The following TENM2 variants were observed in gnomAD, a reference collection of about 807,000 sequenced individuals.
The protein encoded by TENM2 is teneurin-2.
A neutral mutation model predicts 245.2 loss-of-function variants in TENM2; 52 were observed. The ratio of observed to expected loss-of-function variants is 0.21; its 90% CI spans 0.17 to 0.27. The LOEUF (loss-of-function observed/expected upper bound fraction) is 0.27, where lower values mean the gene tolerates loss of function less well. Among genes scored for constraint, TENM2 ranks in the 10% least tolerant of loss-of-function variants. The pLI is 1.00. For missense variants in TENM2, 3,046 were observed against 3,666.8 expected (o/e 0.83, Z 4.37); for synonymous variants, 1,363 against 1,438.9 (o/e 0.95, Z 1.19).
intron 1 of TENM2, among the ~76,000 whole-genome samples, chr5:167,326,702 A>AATATATATAT (rs70976411): frequency 2.4e-4 from 35 of 143,212 alleles, no homozygotes; most frequent in African/African-American, 8.4e-4. Context: ...ATAATAAATA[A>AATATATATAT]ATATATATAT....
chr5:168,184,878 G>A (rs373158481), intron 13 of TENM2, among the ~76,000 whole-genome samples: 330 of 152,252 alleles, frequency 2.2e-3, no homozygotes, highest in African/African-American at 4.9e-3. Context: ...GGATTGAAAC[G>A]GCTGACAAAA....
At chr5:168,234,694 AC>A (rs1765259693) in intron 25 of TENM2, among the ~76,000 whole-genome samples, 1 of 152,112 alleles carries the variant, frequency 6.6e-6, no homozygotes, top group Non-Finnish European at 1.5e-5. Flanking sequence ...TAAAACTTCT[AC>A]CCTTTCCTAA....
intron 2 of TENM2, among the ~76,000 whole-genome samples, chr5:167,395,474 A>C (rs1032931039): frequency 2.6e-5 from 4 of 151,984 alleles, no homozygotes; most frequent in Admixed American, 1.3e-4. Flanking sequence ...TTCCTTTCTA[A>C]CTTGGATGCC....
chr5:167,292,209 C>G (rs1374981283), intron 1 of TENM2, among the ~76,000 whole-genome samples: 2 of 152,170 alleles, frequency 1.3e-5, no homozygotes, highest in Non-Finnish European at 2.9e-5. Context: ...GGGGACACAG[C>G]CAAACCATAT....
intron 2 of TENM2, among the ~76,000 whole-genome samples, chr5:167,869,503 C>T (rs1772626671): frequency 6.6e-6 from 1 of 152,184 alleles, no homozygotes; most frequent in South Asian, 2.1e-4. Flanking sequence ...GGGGTATAAG[C>T]AAAATCACTG....
chr5:167,319,343 T>A (rs1756578598), intron 1 of TENM2, among the ~76,000 whole-genome samples: 1 of 152,308 alleles, frequency 6.6e-6, no homozygotes, highest in African/African-American at 2.4e-5. Context: ...GTAATACTAC[T>A]TTCTTTTGGT....
At chr5:167,172,657 C>T in the TENM2 span, among the ~76,000 whole-genome samples, 1 of 147,966 alleles carries the variant, frequency 6.8e-6, no homozygotes, top group Non-Finnish European at 1.5e-5. Context: ...CAGGGTCTCA[C>T]TCTGTTGCCT....
chr5:167,300,779 A>G (rs1301987769), intron 1 of TENM2, among the ~76,000 whole-genome samples: 1 of 152,024 alleles, frequency 6.6e-6, no homozygotes, highest in African/African-American at 2.4e-5. Context: ...GGAGGCTTTG[A>G]ACTGAGGGAA....
chr5:167,832,735 AAT>A (rs1583133228), intron 2 of TENM2, among the ~76,000 whole-genome samples: 1 of 152,066 alleles, frequency 6.6e-6, no homozygotes, highest in African/African-American at 2.4e-5. Flanking sequence ...AGAAGAAAGA[AAT>A]ATATGTAGAG....
At chr5:167,612,728 G>A (rs1172782057) in intron 2 of TENM2, among the ~76,000 whole-genome samples, 3 of 152,008 alleles carry the variant, frequency 2.0e-5, no homozygotes, top group Non-Finnish European at 2.9e-5. Flanking sequence ...AGGACCTGAC[G>A]TACGGGATGT....
chr5:167,810,381 C>T (rs1230229201), intron 2 of TENM2, among the ~76,000 whole-genome samples: 2 of 152,110 alleles, frequency 1.3e-5, no homozygotes, highest in African/African-American at 4.8e-5. Context: ...CCAATTGTCA[C>T]TGTTTGGGTC....
At chr5:167,694,471 G>A (rs1040629529) in intron 2 of TENM2, among the ~76,000 whole-genome samples, 1 of 152,168 alleles carries the variant, frequency 6.6e-6, no homozygotes, top group Admixed American at 6.5e-5. Flanking sequence ...TGTATTTTCT[G>A]TGCCTGTGTT....
Position 167,335,345 on chromosome 5 carries a change from GATTT to G in TENM2, c.227-39847_227-39844del, listed in dbSNP as rs1231592195. Among the ~76,000 whole-genome samples the G allele has an allele frequency of 1.1e-4, 17 of 152,262 alleles. No homozygotes were observed. The East Asian group carries it at 3.3e-3, about 29-fold the overall frequency. Reference sequence around the variant, plus strand: ...CCATTCATGAGAACTCCGCCCCCATGATTTATTTAATCACCTCCCACCAGGCCTG... The same window carrying G: ...CCATTCATGAGAACTCCGCCCCCATGATTTAATCACCTCCCACCAGGCCTG... On this transcript the variant is annotated intron_variant, in intron 1 of 28. Transcript: ENST00000518659.
At chr5:167,476,253 T>G (rs1767365758) in intron 2 of TENM2, among the ~76,000 whole-genome samples, 1 of 152,160 alleles carries the variant, frequency 6.6e-6, no homozygotes, top group African/African-American at 2.4e-5. Flanking sequence ...GTAGAATCTT[T>G]TTGAAATCAT....
intron 5 of TENM2, among the ~76,000 whole-genome samples, chr5:168,041,109 C>G (rs937225488): frequency 4.6e-5 from 7 of 152,136 alleles, no homozygotes; most frequent in Non-Finnish European, 1.0e-4. Flanking sequence ...GGCCGATGTC[C>G]TCCAGTGAGA....
At chr5:167,765,378 A>G (rs1309223218) in intron 2 of TENM2, among the ~76,000 whole-genome samples, 1 of 152,084 alleles carries the variant, frequency 6.6e-6, no homozygotes, top group Non-Finnish European at 1.5e-5. Flanking sequence ...TCTTTCATCT[A>G]TCCATAACGA....
At chr5:168,031,147 G>C (rs1329037923) in intron 5 of TENM2, among the ~76,000 whole-genome samples, 1 of 152,182 alleles carries the variant, frequency 6.6e-6, no homozygotes, top group African/African-American at 2.4e-5. Flanking sequence ...CAAAAGTGCA[G>C]CTTCAAGAGT....
intron 12 of TENM2, among the ~76,000 whole-genome samples, chr5:168,140,206 A>G (rs1268500921): frequency 6.6e-6 from 1 of 152,218 alleles, no homozygotes; most frequent in East Asian, 1.9e-4. Context: ...AAGGAGCTCA[A>G]AAGACTTTGT....
At position 168,190,412 on chromosome 5, in the gene TENM2, C is replaced by G. The variant is rs1760846891; in HGVS notation, c.2645C>G (p.Ser882Cys). The change falls in exon 14 of 29, where the codon TCC becomes TGC. Residue 882 changes from serine (S) to cysteine (C), a missense_variant. Physicochemically the swap from Ser to Cys is moderately radical, Grantham distance 112. Around this residue, in one of 2 missense-constraint regions of TENM2, gnomAD observed 2,704 missense variants for 3,331.9 expected, o/e 0.81. Transcript: ENST00000518659. ...CAGAACAGCCTGCTCTGCCGGGGGT[C>G]CCGGGACCCACTGGACATCATTCAG... The G allele has an allele frequency of 6.2e-7, 1 of 1,613,882 alleles. No homozygotes were observed. Among genetic ancestry groups the G allele is most frequent in the Non-Finnish European group, 8.5e-7 (1 of 1,179,886 alleles).
Sources: allele counts gnomAD v4.1 joint callset (sites outside exome capture counted in the v4.1 genomes callset), GRCh38; gene constraint gnomAD v4.1.1; regional missense constraint gnomAD v4.1.1; transcripts MANE v1.5; gene names NCBI Gene and HGNC (gene_info 2026-07-23, HGNC 2026-07-21).